The following ARHGAP10 variants were observed in gnomAD, a reference collection of about 807,000 sequenced individuals.
ARHGAP10 encodes the protein rho GTPase-activating protein 10.
ARHGAP10 carries 87 observed loss-of-function variants against 108.6 expected under a neutral mutation model. The ratio of observed to expected loss-of-function variants is 0.80; its 90% confidence interval spans 0.67 to 0.96. ARHGAP10 has a LOEUF of 0.96. Among genes scored for constraint, ARHGAP10 ranks in the 40% least tolerant of loss-of-function variants. ARHGAP10 has a pLI of 0.00. For missense variants in ARHGAP10, 939 were observed against 954.5 expected (o/e 0.98, Z 0.21); for synonymous variants, 347 against 341.1 (o/e 1.02, Z -0.19).
intron 1 of ARHGAP10, among the ~76,000 whole-genome samples, chr4:147,816,180 C>T (rs1286757510): frequency 6.6e-6 from 1 of 152,092 alleles, no homozygotes; most frequent in African/African-American, 2.4e-5. Context: ...CAGTGCCTAG[C>T]CCCAGTAGTT....
chr4:147,967,174 A>T lies in ARHGAP10; in HGVS notation c.1716+335A>T, dbSNP rs545432531. 2.6e-4 allele frequency among the ~76,000 whole-genome samples: 39 copies of T among 152,320 alleles called. No homozygotes were observed. The South Asian group carries it at 7.0e-3, about 28-fold the overall frequency. On this transcript the variant is annotated intron_variant, in intron 18 of 22. Coordinates refer to ENST00000336498, the MANE Select transcript of ARHGAP10 (RefSeq NM_024605.4). ...ATTTCTCACTCAAATTCTGTGTGGC[A>T]CAGCAACCCTGTACTCTTGATAAAG...
chr4:147,784,553 TTA>T (rs1457046586), intron 1 of ARHGAP10, among the ~76,000 whole-genome samples: 13 of 116,502 alleles, frequency 1.1e-4, no homozygotes, highest in Admixed American at 2.1e-4. Context: ...ATAGTATATA[TTA>T]TATATATTAT....
intron 3 of ARHGAP10, among the ~76,000 whole-genome samples, chr4:147,831,983 C>T (rs1307138546): frequency 6.6e-6 from 1 of 152,146 alleles, no homozygotes; most frequent in African/African-American, 2.4e-5. Context: ...TTCTACTTCC[C>T]TGTTGAAACT....
intron 18 of ARHGAP10, among the ~76,000 whole-genome samples, chr4:147,998,183 G>C (rs1256059553): frequency 6.6e-6 from 1 of 152,122 alleles, no homozygotes; most frequent in Admixed American, 6.5e-5. Flanking sequence ...TAAATTTCAG[G>C]GGGGATTGGG....
At chr4:148,007,029 A>T (rs1350465362) in intron 18 of ARHGAP10, among the ~76,000 whole-genome samples, 1 of 152,198 alleles carries the variant, frequency 6.6e-6, no homozygotes, top group Non-Finnish European at 1.5e-5. Context: ...GAAAAATTAG[A>T]CGAAATTGCC....
chr4:147,796,884 T>C (rs1347400744), intron 1 of ARHGAP10, among the ~76,000 whole-genome samples: 1 of 152,236 alleles, frequency 6.6e-6, no homozygotes, highest in Non-Finnish European at 1.5e-5. Flanking sequence ...TGATTTCTAA[T>C]GTAAAAACCT....
chr4:147,994,511 A>ATTTATAATAGGTTATAAT (rs1740400318), intron 18 of ARHGAP10, among the ~76,000 whole-genome samples: 1 of 152,240 alleles, frequency 6.6e-6, no homozygotes, highest in Non-Finnish European at 1.5e-5. Flanking sequence ...GGTTATGGGG[A>ATTTATAATAGGTTATAAT]AGATTTATAA....
chr4:147,890,142 T>A (rs1002229389), intron 10 of ARHGAP10, among the ~76,000 whole-genome samples: 5 of 152,248 alleles, frequency 3.3e-5, no homozygotes, highest in African/African-American at 1.2e-4. Flanking sequence ...TTATACCTAG[T>A]TGCAAGGGAG....
intron 18 of ARHGAP10, among the ~76,000 whole-genome samples, chr4:147,989,825 A>AT (rs1364652429): frequency 1.3e-5 from 2 of 152,236 alleles, no homozygotes; most frequent in African/African-American, 4.8e-5. Context: ...GGATTAAGAC[A>AT]TTAAAGCAAA....
chr4:147,977,037 G>A (rs1739622346), intron 18 of ARHGAP10, among the ~76,000 whole-genome samples: 1 of 152,212 alleles, frequency 6.6e-6, no homozygotes, highest in Non-Finnish European at 1.5e-5. Flanking sequence ...GTGGAAGAAA[G>A]CAGGCCTCTG....
rs966972173 is a variant in ARHGAP10, at chr4:148,034,913, C to T, written c.1867+11500C>T. 7.2e-5 allele frequency among the ~76,000 whole-genome samples: 11 copies of T among 152,090 alleles called. No individual in the cohort carries two copies. In the East Asian group the frequency reaches 1.9e-3, roughly 27 times the overall value. On this transcript the variant is annotated intron_variant, in intron 19 of 22. Coordinates refer to ENST00000336498, the MANE Select transcript of ARHGAP10 (RefSeq NM_024605.4). ...AAAAATTTTAGTCTTTAAACAATGCCCCAGGACTGTGATTATGACATAAAA... is the reference window on the plus strand; with the variant it reads ...AAAAATTTTAGTCTTTAAACAATGCTCCAGGACTGTGATTATGACATAAAA...
intron 1 of ARHGAP10, among the ~76,000 whole-genome samples, chr4:147,806,021 T>A (rs1014697651): frequency 1.3e-5 from 2 of 152,196 alleles, no homozygotes; most frequent in African/African-American, 4.8e-5. Flanking sequence ...GAGCCCTTTA[T>A]TATAATAAAA....
intron 1 of ARHGAP10, among the ~76,000 whole-genome samples, chr4:147,764,736 T>C (rs1729724657): frequency 6.6e-6 from 1 of 152,058 alleles, no homozygotes. Context: ...AGTTTCGCTA[T>C]GTTACCCAGG....
chr4:147,999,231 T>G (rs1464104388), intron 18 of ARHGAP10, among the ~76,000 whole-genome samples: 1 of 151,940 alleles, frequency 6.6e-6, no homozygotes, highest in Admixed American at 6.6e-5. Context: ...AAACAGGAGG[T>G]AAATAAATAG....
chr4:147,784,799 TA>T lies in ARHGAP10; in HGVS notation c.155-37925del, dbSNP rs1560756863. ...ATAATATATTATAAAATATATATTATAAATATAATATATTATAAAATATATA... is the reference window on the plus strand; with the variant it reads ...ATAATATATTATAAAATATATATTATAATATAATATATTATAAAATATATA... On this transcript the variant is annotated intron_variant, in intron 1 of 22. Coordinates refer to ENST00000336498, the MANE Select transcript of ARHGAP10 (RefSeq NM_024605.4). Among the ~76,000 whole-genome samples the T allele has an allele frequency of 1.3e-3, 29 of 22,284 alleles. 8 individuals carry two copies. Among genetic ancestry groups the T allele is most frequent in the East Asian group, 9.3e-3 (3 of 322 alleles). 14.6% of individuals were successfully genotyped at this position (22,284 alleles called of 152,430 possible).
At chr4:148,046,733 A>T (rs760301963) in intron 19 of ARHGAP10, among the ~76,000 whole-genome samples, 159 bp from the exon 20 acceptor site, 6 of 152,072 alleles carry the variant, frequency 3.9e-5, no homozygotes, top group African/African-American at 4.8e-5. Context: ...ATCTTTGATT[A>T]AAAAAAATGT....
chr4:147,754,959 A>G (rs377446631), intron 1 of ARHGAP10, among the ~76,000 whole-genome samples: 3 of 151,978 alleles, frequency 2.0e-5, no homozygotes, highest in Non-Finnish European at 4.4e-5. Context: ...GCGGACGCCT[A>G]TAGTCCCAGC....
intron 22 of ARHGAP10, among the ~76,000 whole-genome samples, chr4:148,068,111 A>T (rs1235220934): frequency 6.6e-6 from 1 of 151,844 alleles, no homozygotes; most frequent in Non-Finnish European, 1.5e-5. Context: ...TTTGCTGGTG[A>T]CCACCAGCCA....
intron 10 of ARHGAP10, among the ~76,000 whole-genome samples, chr4:147,890,496 C>T (rs2358179): frequency 0.85 from 129,724 of 152,248 alleles, 58,856 homozygotes; most frequent in Non-Finnish European, 1. Flanking sequence ...ATGAAATGGT[C>T]AAAAGACCTG....
Sources: allele counts gnomAD v4.1 joint callset (sites outside exome capture counted in the v4.1 genomes callset), GRCh38; gene constraint gnomAD v4.1.1; transcripts MANE v1.5; gene names NCBI Gene and HGNC (gene_info 2026-07-23, HGNC 2026-07-21).